Variants in ALDH3B2 observed in about 807,000 individuals in gnomAD.
ALDH3B2 encodes aldehyde dehydrogenase family 3 member B2.
A neutral mutation model predicts 36.7 loss-of-function variants in ALDH3B2; 45 were observed. That is an observed-to-expected ratio of 1.23 (90% CI 0.97 to 1.57). The LOEUF is 1.57. ALDH3B2 is among the 40% of genes most tolerant of loss of function. The probability of loss-of-function intolerance (pLI) is 0.00; values close to 1 mark genes in which losing one functional copy is unlikely to be tolerated. For missense variants in ALDH3B2, 464 were observed against 513.3 expected (o/e 0.90, Z 0.93); for synonymous variants, 217 against 226.5 (o/e 0.96, Z 0.38).
exon 7 of ALDH3B2, chr11:67,665,445 G>A: frequency 6.2e-7 from 1 of 1,614,084 alleles, no homozygotes; most frequent in Non-Finnish European, 8.5e-7. Flanking sequence ...TGCTCTGCAG[G>A]GCGGGCAGCA....
upstream of ALDH3B2, among the ~76,000 whole-genome samples, chr11:67,675,929 C>T (rs541496405): frequency 2.4e-4 from 36 of 152,280 alleles, no homozygotes; most frequent in South Asian, 6.8e-3. Flanking sequence ...TTAAAATATG[C>T]TCAACCTCAG....
intron 6 of ALDH3B2, among the ~76,000 whole-genome samples, 192 bp from the exon 7 acceptor site, chr11:67,665,863 A>C (rs1855893745): frequency 6.6e-6 from 1 of 152,142 alleles, no homozygotes; most frequent in African/African-American, 2.4e-5. Context: ...CTTTCTTCAT[A>C]GAAAGTCCTG....
chr11:67,671,685 T>G (rs1181534048), intron 1 of ALDH3B2, among the ~76,000 whole-genome samples: 2 of 151,874 alleles, frequency 1.3e-5, no homozygotes, highest in Non-Finnish European at 2.9e-5. Context: ...TAGCTGGGAT[T>G]ACAGGCATGC....
At chr11:67,667,431 C>A in intron 2 of ALDH3B2, 42 bp downstream of exon 2, 1 of 349,196 alleles carries the variant, frequency 2.9e-6, no homozygotes. Flanking sequence ...AGGACAGGGA[C>A]GCTGCTCCAG....
intron 1 of ALDH3B2, 138 bp from the exon 2 acceptor site, chr11:67,667,773 A>C: frequency 4.9e-6 from 1 of 203,034 alleles, no homozygotes; most frequent in Non-Finnish European, 9.9e-6. Flanking sequence ...TCATACACAC[A>C]CAGACCCACT....
At chr11:67,672,073 A>ATG (rs1856134037) in intron 1 of ALDH3B2, among the ~76,000 whole-genome samples, 1 of 65,512 alleles carries the variant, frequency 1.5e-5, no homozygotes, top group African/African-American at 6.7e-5. Context: ...ATATATATAT[A>ATG]TATATATATA....
In ALDH3B2 at chr11:67,666,879, C is replaced by G. The variant is rs201106421; in HGVS notation, c.30+27G>C. On this transcript the variant is annotated intron_variant, in intron 3 of 9. Coordinates refer to ENST00000349015, the Ensembl canonical transcript of ALDH3B2. ...GAGCTACCCGGTGCCCTGCCCTGCC[C>G]TCCTGCCGCCTGCCAGCAGGGCTCA... 139 of 1,614,174 alleles carry G rather than the reference C, an allele frequency of 8.6e-5. No homozygotes were observed. The Admixed American group carries it at 2.3e-3, about 27-fold the overall frequency.
chr11:67,663,933 C>T lies in ALDH3B2; in HGVS notation c.874-172G>A, dbSNP rs4646825. Among the ~76,000 whole-genome samples, 367 of 152,218 alleles carry T rather than the reference C, an allele frequency of 2.4e-3. 6 individuals carry two copies. The East Asian group carries it at 0.056, about 23-fold the overall frequency. On this transcript the variant is annotated intron_variant, in intron 8 of 9. Transcript: ENST00000349015. ...GGGACAGCACCCTCTCAGTGACGGT[C>T]GGGGTGCCATGGGGGTGATTACCAC...
intron 8 of ALDH3B2, 48 bp downstream of exon 8, chr11:67,664,348 G>A (rs1160214216): frequency 1.2e-6 from 2 of 1,610,922 alleles, no homozygotes; most frequent in Non-Finnish European, 1.7e-6. Context: ...GTGCCAGTCT[G>A]TGCCCCTTTC....
At chr11:67,663,934 G>T (rs944994346) in intron 8 of ALDH3B2, among the ~76,000 whole-genome samples, 173 bp from the exon 9 acceptor site, 1 of 152,136 alleles carries the variant, frequency 6.6e-6, no homozygotes, top group African/African-American at 2.4e-5. Flanking sequence ...AGTGACGGTC[G>T]GGGTGCCATG....
upstream of ALDH3B2, among the ~76,000 whole-genome samples, chr11:67,676,883 C>T (rs764413351): frequency 6.6e-6 from 1 of 152,054 alleles, no homozygotes; most frequent in Non-Finnish European, 1.5e-5. Context: ...AAAAATACAA[C>T]CCCCCTAGTT....
At chr11:67,667,413 C>T in intron 2 of ALDH3B2, 60 bp downstream of exon 2, 1 of 350,130 alleles carries the variant, frequency 2.9e-6, no homozygotes, top group Admixed American at 4.4e-5. Context: ...CACGGGCCCT[C>T]CTGAAAGAGG....
upstream of ALDH3B2, among the ~76,000 whole-genome samples, chr11:67,677,119 C>G (rs1451200645): frequency 1.3e-5 from 2 of 152,158 alleles, no homozygotes; most frequent in African/African-American, 2.4e-5. Context: ...CAGCATCATC[C>G]TAATACCAAA....
upstream of ALDH3B2, among the ~76,000 whole-genome samples, chr11:67,677,058 A>G (rs1856285660): frequency 1.3e-5 from 2 of 152,188 alleles, no homozygotes; most frequent in African/African-American, 2.4e-5. Flanking sequence ...TTTTGACACT[A>G]TTCCACAAGA....
exon 9 of ALDH3B2, chr11:67,663,663 G>C: frequency 6.2e-7 from 1 of 1,608,162 alleles, no homozygotes; most frequent in South Asian, 1.1e-5. Context: ...GGGACCCACC[G>C]ACTCCCCCGA....
chr11:67,676,438 C>T (rs889450346), upstream of ALDH3B2, among the ~76,000 whole-genome samples: 1 of 151,786 alleles, frequency 6.6e-6, no homozygotes, highest in African/African-American at 2.4e-5. Context: ...CTATCAAAAC[C>T]TCTGGGATAC....
At chr11:67,671,284 T>A (rs375774001) in intron 1 of ALDH3B2, 39 of 152,342 alleles carry the variant, frequency 2.6e-4, no homozygotes, top group African/African-American at 9.1e-4. Flanking sequence ...CATGTGCACA[T>A]CTGGTGCTCG....
intron 1 of ALDH3B2, among the ~76,000 whole-genome samples, chr11:67,680,742 A>C (rs1354375878): frequency 6.6e-6 from 1 of 152,174 alleles, no homozygotes; most frequent in Non-Finnish European, 1.5e-5. Flanking sequence ...AATGTTATTT[A>C]TCTCTCCTTG....
Position 67,664,377 on chromosome 11 carries a change from A to C in ALDH3B2, c.873+19T>G. The C allele has an allele frequency of 1.2e-6, 2 of 1,613,640 alleles. No individual in the cohort carries two copies. Among genetic ancestry groups the C allele is most frequent in the Middle Eastern group, 1.7e-4 (1 of 6,058 alleles). On this transcript the variant is annotated intron_variant, in intron 8 of 9. Transcript: ENST00000349015. ...CCCTTTCAGCCCCTCCATTGCCCCC[A>C]ACCCGGCCGCACCCCCACCTGGCTG...
Sources: gnomAD v4.1 joint callset for allele counts (sites outside exome capture counted in the v4.1 genomes callset) on GRCh38, gnomAD v4.1.1 for gene constraint, MANE v1.5 for transcripts, NCBI Gene and HGNC (gene_info 2026-07-23, HGNC 2026-07-21) for gene names.